SPTLC3: variants seen among roughly 807,000 people sequenced by gnomAD.
SPTLC3 encodes the protein serine palmitoyltransferase 3.
In SPTLC3, 36 loss-of-function variants were observed where a neutral mutation model predicts 59.3. The observed-to-expected ratio is 0.61, with a 90% CI of 0.47 to 0.80. SPTLC3 has a LOEUF of 0.80. Ranked by LOEUF, SPTLC3 falls within the 30% of genes least tolerant of loss-of-function variation. The pLI is 0.00. For synonymous variants in SPTLC3, 257 were observed against 240.8 expected, an observed-to-expected ratio of 1.07 and a Z score of -0.62; for missense variants, 625 against 685.1, an observed-to-expected ratio of 0.91 and a Z score of 0.98.
intron 1 of SPTLC3, among the ~76,000 whole-genome samples, chr20:13,046,737 A>C (rs576116506): frequency 1.4e-4 from 21 of 152,298 alleles, no homozygotes; most frequent in Non-Finnish European, 1.5e-5. Flanking sequence ...TCAGACCTAC[A>C]TGACTGGGGT....
intron 11 of SPTLC3, 105 bp from the exon 12 acceptor site, chr20:13,164,649 A>C (rs973671113): frequency 2.3e-5 from 19 of 824,852 alleles, no homozygotes; most frequent in Non-Finnish European, 3.7e-5. Flanking sequence ...GAAGCTAGCA[A>C]ACTAAGACTG....
chr20:13,144,923 C>T (rs934942861), intron 9 of SPTLC3, among the ~76,000 whole-genome samples: 38 of 152,052 alleles, frequency 2.5e-4, no homozygotes, highest in Admixed American at 2.2e-3. Context: ...TACAGGCACC[C>T]GCCACCACGC....
At chr20:13,152,098 G>C (rs2038662168) in intron 9 of SPTLC3, among the ~76,000 whole-genome samples, 2 of 152,118 alleles carry the variant, frequency 1.3e-5, no homozygotes, top group African/African-American at 4.8e-5. Context: ...TTATAGTGGA[G>C]GGGCTAACAA....
intron 6 of SPTLC3, among the ~76,000 whole-genome samples, chr20:13,097,012 G>A (rs140294728): frequency 5.4e-4 from 82 of 152,084 alleles, no homozygotes; most frequent in African/African-American, 1.8e-3. Context: ...AGGCATATAA[G>A]TGCTTAGCAC....
rs147299858 is a variant in SPTLC3, at chr20:13,076,968, T to A, written c.607+2471T>A. On this transcript the variant is annotated intron_variant, in intron 4 of 11. Coordinates refer to ENST00000399002, the MANE Select transcript of SPTLC3 (RefSeq NM_018327.4). The stretch of plus-strand genomic sequence containing the variant: ...TGGAAATGATATATTTCCAGACACA[T>A]CTGTACAGAAGTGCAAAGGCTATTT... Among the ~76,000 whole-genome samples, 8 of 152,250 alleles carry A rather than the reference T, an allele frequency of 5.3e-5. No homozygotes were observed. In the East Asian group the frequency reaches 1.5e-3, roughly 29 times the overall value.
At chr20:13,108,053 C>T (rs1990004457) in intron 6 of SPTLC3, among the ~76,000 whole-genome samples, 1 of 152,066 alleles carries the variant, frequency 6.6e-6, no homozygotes, top group Non-Finnish European at 1.5e-5. Context: ...ATGTCACATG[C>T]TTTTTCTGAA....
intron 8 of SPTLC3, among the ~76,000 whole-genome samples, chr20:13,121,546 C>T (rs950816836): frequency 6.6e-6 from 1 of 152,136 alleles, no homozygotes; most frequent in African/African-American, 2.4e-5. Flanking sequence ...TTTTGAACTT[C>T]CAAATGGACG....
chr20:13,117,192 T>G (rs1990609017), intron 7 of SPTLC3, among the ~76,000 whole-genome samples: 1 of 152,234 alleles, frequency 6.6e-6, no homozygotes, highest in South Asian at 2.1e-4. Context: ...TCCAGAATGG[T>G]CAGTCTAGTT....
chr20:13,095,021 C>T (rs981800896), intron 6 of SPTLC3, among the ~76,000 whole-genome samples: 1 of 152,184 alleles, frequency 6.6e-6, no homozygotes, highest in African/African-American at 2.4e-5. Context: ...TGGATTGTCA[C>T]ATCTAGACTC....
At chr20:13,122,552 C>T (rs934539526) in intron 8 of SPTLC3, among the ~76,000 whole-genome samples, 1 of 152,186 alleles carries the variant, frequency 6.6e-6, no homozygotes, top group African/African-American at 2.4e-5. Flanking sequence ...GTTCTACCAC[C>T]TTTTGGGAAT....
chr20:13,077,442 T>C (rs1300342169), intron 4 of SPTLC3, among the ~76,000 whole-genome samples: 1 of 152,146 alleles, frequency 6.6e-6, no homozygotes, highest in East Asian at 1.9e-4. Flanking sequence ...CCTTTTTAAA[T>C]CCTCATTGAA....
At chr20:13,108,381 T>C (rs1170917310) in intron 6 of SPTLC3, among the ~76,000 whole-genome samples, 1 of 152,200 alleles carries the variant, frequency 6.6e-6, no homozygotes, top group East Asian at 1.9e-4. Flanking sequence ...TTCACTCAGC[T>C]TTGGGGGAAG....
intron 1 of SPTLC3, among the ~76,000 whole-genome samples, chr20:13,037,692 T>C (rs547030496): frequency 5.3e-5 from 8 of 152,138 alleles, no homozygotes; most frequent in African/African-American, 1.9e-4. Flanking sequence ...ATAAAATGAG[T>C]CTTAGAGATG....
chr20:13,036,758 G>C (rs1283864443), intron 1 of SPTLC3, among the ~76,000 whole-genome samples: 1 of 152,066 alleles, frequency 6.6e-6, no homozygotes, highest in African/African-American at 2.4e-5. Flanking sequence ...ACTGAGATGA[G>C]TATATCAGTG....
chr20:13,151,874 G>A (rs1200205440), intron 9 of SPTLC3, among the ~76,000 whole-genome samples: 2 of 152,046 alleles, frequency 1.3e-5, no homozygotes, highest in Admixed American at 1.3e-4. Context: ...AAGTGAAGGG[G>A]GCCCTAGACT....
At chr20:13,139,252 G>A (rs1020955830) in intron 9 of SPTLC3, among the ~76,000 whole-genome samples, 4 of 152,192 alleles carry the variant, frequency 2.6e-5, no homozygotes, top group Non-Finnish European at 5.9e-5. Context: ...TACAGACAAT[G>A]AAAGATAAAG....
intron 1 of SPTLC3, among the ~76,000 whole-genome samples, chr20:13,019,427 T>A (rs1025386408): frequency 1.3e-5 from 2 of 152,212 alleles, no homozygotes; most frequent in Admixed American, 6.5e-5. Context: ...TTTTCTCATT[T>A]GTTTAGGAAA....
At chr20:13,025,364 C>T (rs563268494) in intron 1 of SPTLC3, among the ~76,000 whole-genome samples, 169 of 152,248 alleles carry the variant, frequency 1.1e-3, no homozygotes, top group Non-Finnish European at 2.1e-3. Flanking sequence ...CCCTAGTAAC[C>T]TGAATCATTA....
At chr20:13,021,227 G>A (rs1328110318) in intron 1 of SPTLC3, among the ~76,000 whole-genome samples, 2 of 151,586 alleles carry the variant, frequency 1.3e-5, no homozygotes, top group Non-Finnish European at 2.9e-5. Context: ...TCTATTCTTG[G>A]TTCCTCCTCC....
Sources: gnomAD v4.1 joint callset for allele counts (sites outside exome capture counted in the v4.1 genomes callset) on GRCh38, gnomAD v4.1.1 for gene constraint, MANE v1.5 for transcripts, NCBI Gene and HGNC (gene_info 2026-07-23, HGNC 2026-07-21) for gene names.